Variants in PCDHAC2 observed in about 807,000 individuals in gnomAD.
PCDHAC2 encodes protocadherin alpha subfamily C, 2, also known as protocadherin alpha-C2.
A neutral mutation model predicts 63.3 loss-of-function variants in PCDHAC2; 24 were observed. The ratio of observed to expected loss-of-function variants is 0.38; its 90% CI spans 0.27 to 0.53. The LOEUF (loss-of-function observed/expected upper bound fraction) is 0.53, where lower values mean the gene tolerates loss of function less well. Ranked by LOEUF, PCDHAC2 falls within the 20% of genes least tolerant of loss-of-function variation. The pLI is 0.81. For missense variants in PCDHAC2, 1,181 were observed against 1,275.2 expected (o/e 0.93, Z 1.12); for synonymous variants, 569 against 529.4 (o/e 1.07, Z -1.03).
At chr5:140,996,699 C>T (rs1462785057) in intron 3 of PCDHAC2, among the ~76,000 whole-genome samples, 3 of 152,146 alleles carry the variant, frequency 2.0e-5, no homozygotes, top group Non-Finnish European at 2.9e-5. Flanking sequence ...TTCTGAACCT[C>T]TATCTCTTTG....
intron 1 of PCDHAC2, among the ~76,000 whole-genome samples, chr5:140,975,632 A>G (rs1554236932): frequency 1.3e-5 from 2 of 152,216 alleles, no homozygotes; most frequent in African/African-American, 4.8e-5. Context: ...CATGGTACGA[A>G]GATAGCATAT....
At chr5:140,993,462 TCACACACACACACACACACACA>T (rs3836747) in intron 3 of PCDHAC2, among the ~76,000 whole-genome samples, 6 of 141,044 alleles carry the variant, frequency 4.3e-5, no homozygotes, top group East Asian at 4.2e-4. Context: ...TCTTTCTTTC[TCACACACACACACACACACACA>T]CACACACACA....
chr5:140,995,905 G>C (rs1346539389), intron 3 of PCDHAC2, among the ~76,000 whole-genome samples: 1 of 152,186 alleles, frequency 6.6e-6, no homozygotes, highest in Non-Finnish European at 1.5e-5. Flanking sequence ...GTATAAAAGA[G>C]GAGAGACCAT....
intron 3 of PCDHAC2, among the ~76,000 whole-genome samples, chr5:140,983,792 ATG>A (rs1384223147): frequency 6.6e-6 from 1 of 152,212 alleles, no homozygotes; most frequent in Non-Finnish European, 1.5e-5. Context: ...AGATGACAGA[ATG>A]TGTGTGTAAA....
chr5:140,968,099 G>A lies in PCDHAC2; in HGVS notation c.1333G>A (p.Gly445Arg). 3 of 1,614,100 alleles carry A rather than the reference G, an allele frequency of 1.9e-6. No individual in the cohort carries two copies. The highest frequency in any genetic ancestry group is 1.1e-5 in the South Asian group (1 of 91,078). Residue 445 changes from glycine (G) to arginine (R), a missense_variant, in exon 1 of 4, where the codon GGA becomes AGA. Gly to Arg is a moderately radical substitution (Grantham distance 125). Coordinates refer to ENST00000289269, the MANE Select transcript of PCDHAC2 (RefSeq NM_018899.6). ...YNITVTATDG[G>R]IPQLTSLRTL... ...CATCACGGTGACAGCCACAGATGGG[G>A]GAATACCGCAGCTCACATCCCTGCG...
chr5:140,986,950 A>G (rs1161887732), intron 3 of PCDHAC2, among the ~76,000 whole-genome samples: 1 of 152,282 alleles, frequency 6.6e-6, no homozygotes, highest in East Asian at 1.9e-4. Context: ...GTGGTCGCTC[A>G]TGCCTGTAAT....
At position 140,967,928 on chromosome 5, in the gene PCDHAC2, A is replaced by T. The variant is rs1438894870; in HGVS notation, c.1162A>T (p.Ser388Cys). 5 of 1,614,082 alleles carry T rather than the reference A, an allele frequency of 3.1e-6. No homozygotes were observed. The highest frequency in any genetic ancestry group is 3.4e-6 in the Non-Finnish European group (4 of 1,180,034). Residue 388 changes from serine to cysteine, a missense_variant, in exon 1 of 4, where the codon AGT (serine) becomes TGT (cysteine). Physicochemically the swap from Ser to Cys is moderately radical, Grantham distance 112. Transcript: ENST00000289269. ...ACCCAACACCATTGTGGCCGTTCTC[A>T]GTGTCAATGACCAAGACTCAGGCCC... ...ATPNTIVAVLSVNDQDSGPNR... is the reference protein window; with the variant it reads ...ATPNTIVAVLCVNDQDSGPNR...
chr5:140,990,535 A>T (rs1450949471), intron 3 of PCDHAC2, among the ~76,000 whole-genome samples: 1 of 152,182 alleles, frequency 6.6e-6, no homozygotes, highest in African/African-American at 2.4e-5. Context: ...ACTGTGCATC[A>T]TAGATACTGT....
intron 3 of PCDHAC2, among the ~76,000 whole-genome samples, chr5:141,005,544 A>G (rs1197838847): frequency 6.6e-6 from 1 of 151,492 alleles, no homozygotes; most frequent in Non-Finnish European, 1.5e-5. Flanking sequence ...TCTACTAAAA[A>G]TACAAAAATT....
rs782325875 is a variant in PCDHAC2, at chr5:140,979,026, A to T, written c.2624+19A>T. The T allele has an allele frequency of 6.2e-7, 1 of 1,613,490 alleles. No homozygotes were observed. The highest frequency in any genetic ancestry group is 1.1e-5 in the South Asian group (1 of 90,898). On this transcript the variant is annotated intron_variant, in intron 2 of 3. Transcript: ENST00000289269. ...TGCACAGGTATGTATTTCCCTCCTC[A>T]TTCACTCAGAAGTAACCTTAACTTG...
chr5:141,011,429 A>G lies in PCDHAC2; in HGVS notation c.*1492A>G, dbSNP rs1554263477. ...TGTGTATGTGAATGTTAATGCAACT[A>G]TTACCTAGAGTGAACTTTAAGCTTT... On this transcript the variant is annotated 3_prime_UTR_variant, in exon 4 of 4. Coordinates refer to ENST00000289269, the MANE Select transcript of PCDHAC2 (RefSeq NM_018899.6). 1.3e-5 allele frequency: 2 copies of G among 153,758 alleles called. No homozygotes were observed. Among genetic ancestry groups the G allele is most frequent in the Non-Finnish European group, 2.9e-5 (2 of 68,036 alleles). 9.5% of individuals were successfully genotyped at this position (153,758 alleles called of 1,614,324 possible).
intron 3 of PCDHAC2, among the ~76,000 whole-genome samples, chr5:140,993,129 G>A (rs1216210971): frequency 6.6e-6 from 1 of 152,160 alleles, no homozygotes; most frequent in Non-Finnish European, 1.5e-5. Flanking sequence ...ATTTCCTTCT[G>A]TTGCAACAAG....
rs781888174 is a variant in PCDHAC2, at chr5:140,967,972, G to A, written c.1206G>A (p.Leu402=). 5.5e-5 allele frequency: 88 copies of A among 1,614,072 alleles called. No homozygotes were observed. The highest frequency in any genetic ancestry group is 7.3e-5 in the Non-Finnish European group (86 of 1,180,040). ...CAGGCCCCAACCGGAAAGTGAGCCT[G>A]GGTCTGGAGGCCACACTGCCTTTCC... ...QDSGPNRKVS[L]GLEATLPFRL... Residue 402 remains leucine, a synonymous_variant, in exon 1 of 4, where the codon CTG becomes CTA. Transcript: ENST00000289269.
chr5:140,984,042 T>C (rs2097082521), intron 3 of PCDHAC2, among the ~76,000 whole-genome samples: 1 of 152,148 alleles, frequency 6.6e-6, no homozygotes, highest in Non-Finnish European at 1.5e-5. Flanking sequence ...ATAAAATAGT[T>C]CATTGACAAA....
chr5:140,968,754 G>T lies in PCDHAC2; in HGVS notation c.1988G>T (p.Arg663Leu). 1.2e-6 allele frequency: 2 copies of T among 1,614,170 alleles called. No individual in the cohort carries two copies. The highest frequency in any genetic ancestry group is 1.7e-6 in the Non-Finnish European group (2 of 1,180,034). ...GSTFNLTVVV[R>L]DNGEPSLSAS... The stretch of plus-strand genomic sequence containing the variant: ...ACTTTCAACCTGACCGTGGTGGTCC[G>T]AGATAATGGAGAGCCATCACTATCA... The change falls in exon 1 of 4, where the codon CGA becomes CTA. Residue 663 changes from arginine to leucine, a missense_variant. By Grantham distance (102) the Arg-to-Leu change is moderately radical. This residue lies in a region of PCDHAC2 where 968 missense variants were observed against 1,073.5 expected (regional missense o/e 0.90). Transcript: ENST00000289269.
chr5:141,007,647 A>T (rs1554261419), intron 3 of PCDHAC2, among the ~76,000 whole-genome samples: 1 of 152,174 alleles, frequency 6.6e-6, no homozygotes, highest in Admixed American at 6.5e-5. Context: ...GTATTTGCCT[A>T]AAAAACCATA....
chr5:140,977,762 C>T (rs996806241), intron 1 of PCDHAC2, among the ~76,000 whole-genome samples: 6 of 152,124 alleles, frequency 3.9e-5, no homozygotes, highest in Non-Finnish European at 5.9e-5. Context: ...TTATTAAATA[C>T]TTTGCATCCC....
chr5:140,969,783 A>G (rs1293806015), intron 1 of PCDHAC2, among the ~76,000 whole-genome samples: 1 of 152,228 alleles, frequency 6.6e-6, no homozygotes, highest in Non-Finnish European at 1.5e-5. Context: ...GGGCTATCAT[A>G]GTCACCACTA....
intron 3 of PCDHAC2, among the ~76,000 whole-genome samples, chr5:141,000,395 C>A (rs664650): frequency 0.072 from 3,868 of 53,704 alleles, 168 homozygotes; most frequent in Non-Finnish European, 0.081. Flanking sequence ...CTCTCTCTCT[C>A]TATATATATA....
Sources: allele counts gnomAD v4.1 joint callset (sites outside exome capture counted in the v4.1 genomes callset), GRCh38; gene constraint gnomAD v4.1.1; regional missense constraint gnomAD v4.1.1; transcripts MANE v1.5; gene names NCBI Gene and HGNC (gene_info 2026-07-23, HGNC 2026-07-21).